Variants in ZFYVE9 observed in about 807,000 individuals in gnomAD.
ZFYVE9 encodes zinc finger FYVE domain-containing protein 9.
Under a neutral mutation model 126.7 loss-of-function variants are expected in ZFYVE9, and 43 were observed. That is an observed-to-expected ratio of 0.34 (90% CI 0.27 to 0.44). The LOEUF is 0.44. Among genes scored for constraint, ZFYVE9 ranks in the 20% least tolerant of loss-of-function variants. The pLI, the probability that ZFYVE9 is intolerant of heterozygous loss-of-function variation, is 1.00. For synonymous variants in ZFYVE9, 521 were observed against 597.4 expected (o/e 0.87, Z 1.87); for missense variants, 1,476 against 1,697.0 (o/e 0.87, Z 2.29).
intron 4 of ZFYVE9, among the ~76,000 whole-genome samples, chr1:52,244,119 G>A (rs1645361170): frequency 6.6e-6 from 1 of 152,166 alleles, no homozygotes; most frequent in Middle Eastern, 3.2e-3. Context: ...ATTGAGTGGA[G>A]CAATGTTTAC....
In ZFYVE9 at chr1:52,175,350, C is replaced by G. The variant is rs1083303; in HGVS notation, c.-143+32947C>G. On this transcript the variant is annotated intron_variant, in intron 1 of 18. Coordinates refer to ENST00000287727, the MANE Select transcript of ZFYVE9 (RefSeq NM_004799.4). ...TATTGGCCCCTACTCTCTTCTGGCT[C>G]GTAGAGTTTCTGCCGAGAGATCAGC... Among the ~76,000 whole-genome samples the G allele has an allele frequency of 9.8e-3, 1,487 of 151,188 alleles. 28 individuals carry two copies. The highest frequency in any genetic ancestry group is 0.034 in the African/African-American group (1,409 of 40,938).
intron 16 of ZFYVE9, among the ~76,000 whole-genome samples, chr1:52,338,754 G>A (rs1236642873): frequency 6.6e-6 from 1 of 152,224 alleles, no homozygotes; most frequent in Non-Finnish European, 1.5e-5. Context: ...GCTCACGCCT[G>A]TAATCCCAGC....
chr1:52,227,229 A>G (rs1486574788), intron 2 of ZFYVE9, among the ~76,000 whole-genome samples: 1 of 152,262 alleles, frequency 6.6e-6, no homozygotes, highest in Non-Finnish European at 1.5e-5. Context: ...ACTTGGCAGC[A>G]ATGCCTTCTT....
chr1:52,153,366 G>A (rs1644374287), intron 1 of ZFYVE9, among the ~76,000 whole-genome samples: 1 of 152,174 alleles, frequency 6.6e-6, no homozygotes, highest in Non-Finnish European at 1.5e-5. Flanking sequence ...AAGTTCTAGA[G>A]CCATCTCCAC....
At chr1:52,336,346 T>G (rs573513563) in intron 15 of ZFYVE9, among the ~76,000 whole-genome samples, 1 of 148,788 alleles carries the variant, frequency 6.7e-6, no homozygotes, top group Non-Finnish European at 1.5e-5. Context: ...CAAATTGTTA[T>G]GAAATCTAAG....
At chr1:52,246,197 T>C (rs888641743) in intron 4 of ZFYVE9, among the ~76,000 whole-genome samples, 2 of 152,240 alleles carry the variant, frequency 1.3e-5, no homozygotes, top group Non-Finnish European at 2.9e-5. Context: ...CCCAAAGTGC[T>C]GGGATTACAG....
intron 13 of ZFYVE9, among the ~76,000 whole-genome samples, chr1:52,305,287 A>G (rs1226033666): frequency 2.0e-5 from 3 of 152,150 alleles, no homozygotes; most frequent in African/African-American, 7.2e-5. Context: ...CTAAAAATAC[A>G]AACATTGGCT....
chr1:52,320,102 C>T (rs1646225248), intron 13 of ZFYVE9, among the ~76,000 whole-genome samples: 1 of 148,326 alleles, frequency 6.7e-6, no homozygotes, highest in South Asian at 2.1e-4. Flanking sequence ...CAGAGGTTCG[C>T]TCTTGTTGCC....
intron 1 of ZFYVE9, among the ~76,000 whole-genome samples, chr1:52,198,820 A>G (rs559745513): frequency 6.8e-4 from 103 of 152,154 alleles, no homozygotes; most frequent in Non-Finnish European, 1.1e-3. Flanking sequence ...TCACCCACGT[A>G]TAGCCTCCGC....
chr1:52,236,201 C>T (rs1645272040), intron 3 of ZFYVE9, among the ~76,000 whole-genome samples: 1 of 152,092 alleles, frequency 6.6e-6, no homozygotes, highest in Non-Finnish European at 1.5e-5. Flanking sequence ...GTTCCTCAAT[C>T]CTGCTGCTTT....
chr1:52,227,037 GAGGGTATATAGGTGAGAA>G (rs1374678251), intron 2 of ZFYVE9, among the ~76,000 whole-genome samples: 1 of 152,218 alleles, frequency 6.6e-6, no homozygotes, highest in African/African-American at 2.4e-5. Flanking sequence ...GAAAATGGTG[GAGGGTATATAGGTGAGAA>G]AGGTTACAAA....
intron 1 of ZFYVE9, among the ~76,000 whole-genome samples, chr1:52,185,294 GA>G (rs1329507766): frequency 6.6e-6 from 1 of 151,878 alleles, no homozygotes; most frequent in Non-Finnish European, 1.5e-5. Context: ...CCTCATTTAA[GA>G]AGAGAAAAAA....
At chr1:52,191,820 C>G (rs1644818795) in intron 1 of ZFYVE9, among the ~76,000 whole-genome samples, 1 of 152,070 alleles carries the variant, frequency 6.6e-6, no homozygotes, top group Non-Finnish European at 1.5e-5. Context: ...TCTAGCGGCA[C>G]TTAGCAAAGG....
At chr1:52,314,686 G>GGC (rs1646166760) in intron 13 of ZFYVE9, among the ~76,000 whole-genome samples, 1 of 152,162 alleles carries the variant, frequency 6.6e-6, no homozygotes, top group Non-Finnish European at 1.5e-5. Flanking sequence ...CGGGTGTGGT[G>GGC]GCGCGCGCCT....
At chr1:52,210,061 AT>A (rs1223022294) in intron 1 of ZFYVE9, among the ~76,000 whole-genome samples, 1 of 152,166 alleles carries the variant, frequency 6.6e-6, no homozygotes, top group East Asian at 1.9e-4. Context: ...GATTTGAAAG[AT>A]TTAAGAGGTA....
At chr1:52,180,681 A>G (rs1327033056) in intron 1 of ZFYVE9, 1 of 377,502 alleles carries the variant, frequency 2.6e-6, no homozygotes. Flanking sequence ...CATTTTAGAA[A>G]TAATCATTGC....
intron 1 of ZFYVE9, among the ~76,000 whole-genome samples, chr1:52,147,965 T>C (rs1644319791): frequency 6.6e-6 from 1 of 151,890 alleles, no homozygotes; most frequent in Non-Finnish European, 1.5e-5. Flanking sequence ...TTTTTTTCAA[T>C]AGAGGCGAGG....
chr1:52,144,107 G>A (rs1644286726), intron 1 of ZFYVE9, among the ~76,000 whole-genome samples: 10 of 152,132 alleles, frequency 6.6e-5, no homozygotes, highest in Admixed American at 6.5e-4. Context: ...GGATCATGAG[G>A]TCAGAAGTTC....
intron 3 of ZFYVE9, among the ~76,000 whole-genome samples, chr1:52,233,777 ACTT>A (rs1251204181): frequency 4.6e-5 from 7 of 152,108 alleles, no homozygotes; most frequent in Non-Finnish European, 1.5e-5. Flanking sequence ...CTTAAGATTC[ACTT>A]CTTTTGTTTG....
Sources: gnomAD v4.1 joint callset for allele counts (sites outside exome capture counted in the v4.1 genomes callset) on GRCh38, gnomAD v4.1.1 for gene constraint, MANE v1.5 for transcripts, NCBI Gene and HGNC (gene_info 2026-07-23, HGNC 2026-07-21) for gene names.